The following INPP4B variants were observed in gnomAD, a reference collection of about 807,000 sequenced individuals.
The protein encoded by INPP4B is inositol polyphosphate 4-phosphatase type II.
INPP4B carries 55 observed loss-of-function variants against 122.5 expected under a neutral mutation model. The ratio of observed to expected loss-of-function variants is 0.45; its 90% CI spans 0.36 to 0.56. The LOEUF (loss-of-function observed/expected upper bound fraction) is 0.56. Among genes scored for constraint, INPP4B ranks in the 20% least tolerant of loss-of-function variants. The pLI is 0.00. For synonymous variants in INPP4B, 403 were observed against 388.7 expected (o/e 1.04, Z -0.43); for missense variants, 1,000 against 1,097.7 (o/e 0.91, Z 1.26).
chr4:142,403,840 C>T (rs1483455297), intron 6 of INPP4B, among the ~76,000 whole-genome samples: 1 of 152,156 alleles, frequency 6.6e-6, no homozygotes, highest in African/African-American at 2.4e-5. Context: ...GCATCAGACA[C>T]TTTGGAACGG....
intron 2 of INPP4B, among the ~76,000 whole-genome samples, chr4:142,584,745 T>A (rs1479451956): frequency 6.6e-6 from 1 of 152,096 alleles, no homozygotes; most frequent in African/African-American, 2.4e-5. Context: ...CTTTTCCCTA[T>A]GGTAGTTTTT....
chr4:142,531,530 T>C (rs1403115274), intron 2 of INPP4B, among the ~76,000 whole-genome samples: 2 of 152,152 alleles, frequency 1.3e-5, no homozygotes, highest in African/African-American at 4.8e-5. Flanking sequence ...TGGACATTTG[T>C]GTCGTCTATG....
chr4:142,622,450 G>A (rs147043884), intron 2 of INPP4B, among the ~76,000 whole-genome samples: 23 of 151,988 alleles, frequency 1.5e-4, no homozygotes, highest in African/African-American at 5.5e-4. Context: ...ATAGGGAATT[G>A]GGCAGATAAA....
intron 15 of INPP4B, among the ~76,000 whole-genome samples, chr4:142,183,004 G>A (rs1281324727): frequency 6.6e-6 from 1 of 152,132 alleles, no homozygotes. Context: ...GAACTGCCAG[G>A]AGCTGACATA....
intron 7 of INPP4B, among the ~76,000 whole-genome samples, chr4:142,316,221 T>A (rs1033896451): frequency 6.6e-6 from 1 of 152,114 alleles, no homozygotes; most frequent in African/African-American, 2.4e-5. Context: ...GTAAACACAA[T>A]TTGTAGAACA....
At chr4:142,312,501 C>T (rs1765896532) in intron 8 of INPP4B, among the ~76,000 whole-genome samples, 1 of 151,974 alleles carries the variant, frequency 6.6e-6, no homozygotes, top group Non-Finnish European at 1.5e-5. Context: ...CTTTGAGAAT[C>T]ATTGAATATG....
At chr4:142,810,622 A>T (rs1779393906) in intron 1 of INPP4B, among the ~76,000 whole-genome samples, 1 of 152,180 alleles carries the variant, frequency 6.6e-6, no homozygotes, top group African/African-American at 2.4e-5. Context: ...AGCTCACCTA[A>T]CATCTATTAA....
chr4:142,043,165 A>G lies in INPP4B; in HGVS notation c.2643-14251T>C, dbSNP rs974800197. On this transcript the variant is annotated intron_variant, in intron 25 of 25. Coordinates refer to ENST00000262992, the MANE Select transcript of INPP4B (RefSeq NM_001101669.3). ...TTTTCCCACTTCTATTTCCTAACTA[A>G]CTTTTCTCTTTAATTCCACTCTACC... Among the ~76,000 whole-genome samples the G allele has an allele frequency of 2.0e-5, 3 of 152,018 alleles. No homozygotes were observed. The South Asian group carries it at 6.2e-4, about 32-fold the overall frequency.
At chr4:142,221,623 C>T (rs1034501150) in intron 12 of INPP4B, among the ~76,000 whole-genome samples, 8 of 151,350 alleles carry the variant, frequency 5.3e-5, no homozygotes, top group African/African-American at 1.5e-4. Context: ...TTTTATGTTA[C>T]TATGGCTCTT....
chr4:142,155,816 T>C (rs556295225), intron 17 of INPP4B, among the ~76,000 whole-genome samples: 6 of 151,966 alleles, frequency 3.9e-5, no homozygotes, highest in East Asian at 1.9e-4. Context: ...TTTGGTAGTA[T>C]TGAGTTACAG....
intron 1 of INPP4B, among the ~76,000 whole-genome samples, chr4:142,735,030 T>C (rs751442661): frequency 4.6e-5 from 7 of 152,184 alleles, no homozygotes; most frequent in Non-Finnish European, 1.0e-4. Flanking sequence ...TCATTAGCAC[T>C]ACAGGTGTGA....
intron 1 of INPP4B, among the ~76,000 whole-genome samples, chr4:142,731,571 G>T (rs1156791171): frequency 6.6e-6 from 1 of 151,988 alleles, no homozygotes; most frequent in African/African-American, 2.4e-5. Flanking sequence ...TAAAAGAGGA[G>T]AAAAGAATAT....
chr4:142,107,700 C>A (rs190561463), intron 23 of INPP4B, among the ~76,000 whole-genome samples: 30 of 152,246 alleles, frequency 2.0e-4, no homozygotes, highest in African/African-American at 7.0e-4. Flanking sequence ...TGTTCTCCTG[C>A]ATGTGTGTCC....
chr4:142,101,753 A>G (rs1472052582), intron 23 of INPP4B, among the ~76,000 whole-genome samples: 3 of 152,164 alleles, frequency 2.0e-5, no homozygotes, highest in African/African-American at 4.8e-5. Flanking sequence ...ATGATTCTGT[A>G]TATCTTAGTA....
chr4:142,642,029 A>AT (rs1029293553), intron 2 of INPP4B, among the ~76,000 whole-genome samples: 1 of 151,980 alleles, frequency 6.6e-6, no homozygotes, highest in Non-Finnish European at 1.5e-5. Flanking sequence ...GATGATGAGC[A>AT]TTTTTTTCTG....
At chr4:142,192,996 C>A in intron 15 of INPP4B, 91 bp downstream of exon 15, 1 of 732,098 alleles carries the variant, frequency 1.4e-6, no homozygotes, top group Non-Finnish European at 2.4e-6. Context: ...AAGAACTATA[C>A]ATTGTGATGG....
At chr4:142,084,718 T>G (rs1775889733) in intron 24 of INPP4B, among the ~76,000 whole-genome samples, 1 of 152,192 alleles carries the variant, frequency 6.6e-6, no homozygotes, top group Admixed American at 6.5e-5. Flanking sequence ...TTTAGAAATG[T>G]GTGGGATTTA....
chr4:142,544,888 C>T (rs1297324281), intron 2 of INPP4B, among the ~76,000 whole-genome samples: 1 of 152,072 alleles, frequency 6.6e-6, no homozygotes. Flanking sequence ...GAGTAATAAA[C>T]CTGTTGAAGT....
chr4:142,470,605 C>G (rs1818640423), intron 2 of INPP4B, among the ~76,000 whole-genome samples: 2 of 152,166 alleles, frequency 1.3e-5, no homozygotes, highest in South Asian at 4.1e-4. Context: ...TACAATAATG[C>G]TGTTTAGACA....
Sources: allele counts gnomAD v4.1 joint callset (sites outside exome capture counted in the v4.1 genomes callset), GRCh38; gene constraint gnomAD v4.1.1; transcripts MANE v1.5; gene names NCBI Gene and HGNC (gene_info 2026-07-23, HGNC 2026-07-21).